Variants in SLC27A5 observed in about 807,000 individuals in gnomAD.
SLC27A5 encodes long-chain fatty acid transport protein 5.
A neutral mutation model predicts 63.1 loss-of-function variants in SLC27A5; 47 were observed. The observed-to-expected ratio is 0.74, with a 90% CI of 0.59 to 0.95. SLC27A5 has a LOEUF of 0.95. Among genes scored for constraint, SLC27A5 ranks in the 40% least tolerant of loss-of-function variants. SLC27A5 has a pLI of 0.00. For synonymous variants in SLC27A5, 391 were observed against 403.8 expected (o/e 0.97, Z 0.38); for missense variants, 940 against 921.0 (o/e 1.02, Z -0.27).
chr19:58,499,084 A>C (rs761090069), intron 8 of SLC27A5, 39 bp downstream of exon 8: 94 of 1,610,534 alleles, frequency 5.8e-5, no homozygotes, highest in Non-Finnish European at 7.6e-5. Flanking sequence ...CCCTCCACCC[A>C]CAAAGCTGTT....
chr19:58,502,784 G>A (rs945918516), intron 3 of SLC27A5, among the ~76,000 whole-genome samples: 1 of 150,640 alleles, frequency 6.6e-6, no homozygotes, highest in East Asian at 2.0e-4. Flanking sequence ...GACAGTTAGA[G>A]TAGTGAGTGA....
chr19:58,501,169 T>C, intron 4 of SLC27A5, 117 bp downstream of exon 4: 1 of 1,369,674 alleles, frequency 7.3e-7, no homozygotes, highest in East Asian at 2.4e-5. Context: ...CTGGGGTTCT[T>C]GCATGAGGTG....
intron 3 of SLC27A5, among the ~76,000 whole-genome samples, chr19:58,503,467 G>T (rs1268262619): frequency 6.6e-6 from 1 of 151,770 alleles, no homozygotes; most frequent in African/African-American, 2.4e-5. Context: ...TTTGAGACCA[G>T]CCTAGCCAAC....
intron 4 of SLC27A5, 126 bp from the exon 5 acceptor site, chr19:58,500,832 T>C (rs1286353136): frequency 6.8e-7 from 1 of 1,472,054 alleles, no homozygotes; most frequent in Admixed American, 2.4e-5. Context: ...ATGGGGGACC[T>C]CTACCTAAGG....
intron 3 of SLC27A5, among the ~76,000 whole-genome samples, chr19:58,502,178 G>A (rs1227968297): frequency 6.8e-6 from 1 of 147,978 alleles, no homozygotes; most frequent in Non-Finnish European, 1.5e-5. Context: ...GTAGATGGAT[G>A]GGTGAACAGT....
intron 3 of SLC27A5, among the ~76,000 whole-genome samples, chr19:58,504,591 GGGC>G: frequency 1.9e-5 from 1 of 53,178 alleles, no homozygotes; most frequent in Admixed American, 2.1e-4. Context: ...GGGGGGGGGC[GGGC>G]GGGGCGGAGC....
intron 9 of SLC27A5, 45 bp downstream of exon 9, chr19:58,498,740 C>T: frequency 6.2e-7 from 1 of 1,610,380 alleles, no homozygotes; most frequent in African/African-American, 1.3e-5. Flanking sequence ...CACCCGCCCC[C>T]TGGCTATGAT....
chr19:58,498,751 C>A, intron 9 of SLC27A5, 34 bp downstream of exon 9: 2 of 1,611,300 alleles, frequency 1.2e-6, no homozygotes, highest in Non-Finnish European at 1.7e-6. Context: ...TGGCTATGAT[C>A]TTCCACCCAC....
rs993447082 is a variant in SLC27A5 at position 58,511,310 on chromosome 19, A to G, written c.646T>C (p.Ser216Pro). The change falls in exon 1 of 10, where the codon TCT becomes CCT. Residue 216 changes from serine to proline, a missense_variant. Transcript: ENST00000263093. ...ACCCGGGCCCCAGAGCTCAGCACAG[A>G]GTGCGCCAGGGGCATCCCCCGGCCA... ...PHGRGMPLAH[S>P]VLSSGARVLV... is the part of the protein sequence containing the mutation. 2.0e-5 allele frequency: 31 copies of G among 1,584,206 alleles called. No individual in the cohort carries two copies. Among genetic ancestry groups the G allele is most frequent in the Non-Finnish European group, 2.4e-5 (28 of 1,160,446 alleles).
chr19:58,498,735 G>GC, intron 9 of SLC27A5, 44 bp from the exon 10 acceptor site: 1 of 1,609,514 alleles, frequency 6.2e-7, no homozygotes, highest in South Asian at 1.1e-5. Context: ...ACATCCACCC[G>GC]CCCCCTGGCT....
chr19:58,502,101 A>G (rs1350837605), intron 3 of SLC27A5, among the ~76,000 whole-genome samples: 3 of 152,210 alleles, frequency 2.0e-5, no homozygotes, highest in African/African-American at 7.2e-5. Flanking sequence ...GATGGATGGA[A>G]AGATGAATGG....
chr19:58,499,203 A>C lies in SLC27A5; in HGVS notation c.1685T>G (p.Val562Gly), dbSNP rs1426315655. 1.9e-6 allele frequency: 3 copies of C among 1,613,700 alleles called. No individual in the cohort carries two copies. The highest frequency in any genetic ancestry group is 2.7e-5 in the African/African-American group (2 of 74,944). ...GDTFRWKGEN[V>G]STHEVEGVLS... is the part of the protein sequence containing the mutation. ...CACGCCCTCCACCTCGTGCGTGGAC[A>C]CGTTCTCGCCCTTCCATCTGCAAGG... Residue 562 changes from valine (V) to glycine (G), a missense_variant, in exon 8 of 10, where the codon GTG (valine) becomes GGG (glycine). Val to Gly is a moderately radical substitution (Grantham distance 109). Transcript: ENST00000263093.
At chr19:58,508,468 A>G (rs1376357249) in intron 3 of SLC27A5, 1 of 151,176 alleles carries the variant, frequency 6.6e-6, no homozygotes, top group East Asian at 2.0e-4. Flanking sequence ...AGGCAGGAGA[A>G]TGGCATGAAC....
intron 3 of SLC27A5, among the ~76,000 whole-genome samples, chr19:58,505,003 C>T (rs1260672044): frequency 1.4e-5 from 2 of 147,272 alleles, no homozygotes; most frequent in Non-Finnish European, 1.5e-5. Context: ...GAGACTCCAT[C>T]TCAAAGAAAA....
At chr19:58,501,181 A>C in intron 4 of SLC27A5, 105 bp downstream of exon 4, 1 of 1,437,150 alleles carries the variant, frequency 7.0e-7, no homozygotes, top group Non-Finnish European at 9.4e-7. Flanking sequence ...CATGAGGTGT[A>C]TTATCTGAGG....
chr19:58,499,721 G>C, intron 6 of SLC27A5, 31 bp from the exon 7 acceptor site: 1 of 1,602,388 alleles, frequency 6.2e-7, no homozygotes, highest in Non-Finnish European at 8.5e-7. Context: ...AGAACCCCTG[G>C]AGCCCACCAG....
chr19:58,500,249 C>T (rs1257323909), intron 6 of SLC27A5, 90 bp downstream of exon 6: 8 of 1,113,210 alleles, frequency 7.2e-6, no homozygotes, highest in Admixed American at 5.4e-5. Flanking sequence ...TGAGCACCAA[C>T]GTCAAGCTTT....
Position 58,511,424 on chromosome 19 carries a change from G to A in SLC27A5, c.532C>T (p.Leu178Phe). 6 of 1,606,468 alleles carry A rather than the reference G, an allele frequency of 3.7e-6. No individual in the cohort carries two copies. Among genetic ancestry groups the A allele is most frequent in the Non-Finnish European group, 5.1e-6 (6 of 1,176,750 alleles). The change falls in exon 1 of 10, where the codon CTT becomes TTT. Residue 178 changes from leucine (L) to phenylalanine (F), a missense_variant. Coordinates refer to ENST00000263093, the MANE Select transcript of SLC27A5 (RefSeq NM_012254.3). ...GGAACGGCCTGGGAAGCCAGCACAA[G>A]GAGGGCAGTAGGCTCCCCGGCACAC... ...SLCAGEPTALLVLASQAVPAL... is the reference protein window; with the variant it reads ...SLCAGEPTALFVLASQAVPAL...
chr19:58,511,607 C>CA lies in SLC27A5; in HGVS notation c.348dup (p.Val117CysfsTer31). 1.3e-6 allele frequency: 2 copies of CA among 1,593,692 alleles called. No individual in the cohort carries two copies. The highest frequency in any genetic ancestry group is 1.7e-6 in the Non-Finnish European group (2 of 1,168,556). ...CGTGCTCGCCGCTCGAAGGCATCTACAAAGGTGTCAGGCGGCTGCCGGCTC... is the reference window on the plus strand; with the variant it reads ...CGTGCTCGCCGCTCGAAGGCATCTACAAAAGGTGTCAGGCGGCTGCCGGCTC... On this transcript the variant is annotated frameshift_variant, in exon 1 of 10. Transcript: ENST00000263093. LOFTEE classifies it high-confidence loss of function.
Sources: allele counts gnomAD v4.1 joint callset (sites outside exome capture counted in the v4.1 genomes callset), GRCh38; gene constraint gnomAD v4.1.1; transcripts MANE v1.5; gene names NCBI Gene and HGNC (gene_info 2026-07-23, HGNC 2026-07-21).